SLC12A3: variants seen among roughly 807,000 people sequenced by gnomAD.
SLC12A3 encodes solute carrier family 12 member 3, also known as Na-Cl cotransporter.
Under a neutral mutation model 121.0 loss-of-function variants are expected in SLC12A3, and 104 were observed. That is an observed-to-expected ratio of 0.86 (90% CI 0.73 to 1.01). SLC12A3 has a LOEUF of 1.01. SLC12A3 is among the 50% of genes least tolerant of loss of function. The probability of loss-of-function intolerance (pLI) is 0.00; values close to 1 mark genes in which losing one functional copy is unlikely to be tolerated. For missense variants in SLC12A3, 1,328 were observed against 1,356.3 expected (o/e 0.98, Z 0.33); for synonymous variants, 536 against 533.4 (o/e 1.00, Z -0.07).
rs1254695485 is a variant in SLC12A3, at chr16:56,914,979, G to A, written c.*1574G>A. On this transcript the variant is annotated 3_prime_UTR_variant, in exon 26 of 26. Coordinates refer to ENST00000563236, the MANE Select transcript of SLC12A3 (RefSeq NM_001126108.2). ...GCTGTTAAGAGTGGGGTTGGAGGTG[G>A]GAGAGAAGCTAGGACAAGGGAGATG... 1 of 152,242 alleles carries A rather than the reference G, an allele frequency of 6.6e-6. No homozygotes were observed. The highest frequency in any genetic ancestry group is 2.4e-5 in the African/African-American group (1 of 41,392). The allele number at this position is 152,242 out of a possible 1,614,324, so 9.4% of individuals were successfully genotyped here. A position where few individuals can be genotyped will look rare whatever the true frequency, so the allele number is the denominator to read the frequency against.
Position 56,882,497 on chromosome 16 carries a change from G to C in SLC12A3, c.1669G>C (p.Gly557Arg). Residue 557 changes from glycine (G) to arginine (R), a missense_variant and splice_region_variant, in exon 13 of 26, where the codon GGG (glycine) becomes CGG (arginine). Physicochemically the swap from Gly to Arg is moderately radical, Grantham distance 125. Coordinates refer to ENST00000563236, the MANE Select transcript of SLC12A3 (RefSeq NM_001126108.2). ...CFHASITNSP[G>R]WRPSFQYYNK... Reference sequence around the variant, plus strand: ...CCACGCCTCCATCACCAACTCGCCTGGTAAGCAAACCCTTCACCCACCTCA... The same window carrying C: ...CCACGCCTCCATCACCAACTCGCCTCGTAAGCAAACCCTTCACCCACCTCA... The C allele has an allele frequency of 6.2e-7, 1 of 1,612,288 alleles. No individual in the cohort carries two copies. Among genetic ancestry groups the C allele is most frequent in the Non-Finnish European group, 8.5e-7 (1 of 1,178,380 alleles).
Position 56,902,776 on chromosome 16 carries a change from TCC to T in SLC12A3, c.2856+269_2856+270del, listed in dbSNP as rs571731386. 0.035 allele frequency among the ~76,000 whole-genome samples: 5,344 copies of T among 152,208 alleles called. 143 individuals are homozygous for T. The highest frequency in any genetic ancestry group is 0.07 in the African/African-American group (2,921 of 41,526). ...GCTTGACTGCCCGGAGTCCTCCTCC[TCC>T]TCCTCCTCCTCCACACTTCCTCTAT... On this transcript the variant is annotated intron_variant, in intron 24 of 25. Coordinates refer to ENST00000563236, the MANE Select transcript of SLC12A3 (RefSeq NM_001126108.2).
intron 10 of SLC12A3, 111 bp downstream of exon 10, chr16:56,879,338 C>G: frequency 1.4e-6 from 2 of 1,439,692 alleles, no homozygotes; most frequent in African/African-American, 2.8e-5. Flanking sequence ...GGGGTTGAGG[C>G]CTAGGCTTAG....
chr16:56,865,605 C>T, intron 1 of SLC12A3, 88 bp downstream of exon 1: 2 of 1,435,640 alleles, frequency 1.4e-6, no homozygotes, highest in South Asian at 2.3e-5. Flanking sequence ...GTTCTGTCAT[C>T]TGTGCCATGG....
intron 22 of SLC12A3, 23 bp from the exon 23 acceptor site, chr16:56,899,507 T>A (rs762468173): frequency 6.3e-7 from 1 of 1,586,470 alleles, no homozygotes. Flanking sequence ...GTAATAACAA[T>A]AAACCCTCCA....
chr16:56,880,073 G>T, intron 11 of SLC12A3, 57 bp from the exon 12 acceptor site: 1 of 1,591,990 alleles, frequency 6.3e-7, no homozygotes, highest in Non-Finnish European at 8.5e-7. Flanking sequence ...GGTGGCCCCA[G>T]GGGAGGGGAA....
chr16:56,891,393 A>C (rs1018122186), intron 19 of SLC12A3, among the ~76,000 whole-genome samples: 5 of 142,872 alleles, frequency 3.5e-5, no homozygotes, highest in African/African-American at 1.3e-4. Context: ...AAAAAAAAAA[A>C]GGAAATATCT....
intron 24 of SLC12A3, among the ~76,000 whole-genome samples, chr16:56,903,707 T>C (rs2055569429): frequency 6.6e-6 from 1 of 152,198 alleles, no homozygotes; most frequent in South Asian, 2.1e-4. Context: ...CATTTCTGAA[T>C]AATTTGAGCT....
At chr16:56,883,100 T>G (rs993080260) in intron 13 of SLC12A3, among the ~76,000 whole-genome samples, 9 of 152,110 alleles carry the variant, frequency 5.9e-5, no homozygotes, top group Admixed American at 2.6e-4. Flanking sequence ...AGCCTGGTTC[T>G]TCAGAGAAAG....
At chr16:56,908,685 A>C (rs2055642748) in intron 25 of SLC12A3, among the ~76,000 whole-genome samples, 1 of 152,102 alleles carries the variant, frequency 6.6e-6, no homozygotes, top group Non-Finnish European at 1.5e-5. Context: ...TAGGGACATG[A>C]TTTTTTTGTA....
At chr16:56,904,491 C>T in intron 25 of SLC12A3, 29 bp downstream of exon 25, 1 of 1,605,398 alleles carries the variant, frequency 6.2e-7, no homozygotes, top group South Asian at 1.1e-5. Flanking sequence ...GTGGGAGGAC[C>T]AGTCTGTCCA....
At chr16:56,904,048 C>T (rs1391512364) in intron 24 of SLC12A3, among the ~76,000 whole-genome samples, 1 of 152,172 alleles carries the variant, frequency 6.6e-6, no homozygotes, top group East Asian at 1.9e-4. Flanking sequence ...TGGTGAAGGT[C>T]AGGGAGACAA....
At chr16:56,904,707 C>T in intron 25 of SLC12A3, 1 of 501,348 alleles carries the variant, frequency 2.0e-6, no homozygotes, top group Non-Finnish European at 3.7e-6. Flanking sequence ...CAGTGACCTC[C>T]CCTTGCCATT....
intron 19 of SLC12A3, 135 bp downstream of exon 19, chr16:56,890,491 C>T (rs2055374691): frequency 2.8e-6 from 2 of 726,478 alleles, no homozygotes; most frequent in South Asian, 3.0e-5. Flanking sequence ...CCCTTAGAGC[C>T]CATCAGTTTT....
chr16:56,882,992 C>T (rs72622274), intron 13 of SLC12A3, among the ~76,000 whole-genome samples: 3,465 of 152,132 alleles, frequency 0.023, 142 homozygotes, highest in East Asian at 0.19. Context: ...TCTCCTTTCT[C>T]GCGCACTGAC....
At chr16:56,899,744 T>C in intron 23 of SLC12A3, 128 bp downstream of exon 23, 3 of 746,324 alleles carry the variant, frequency 4.0e-6, no homozygotes, top group Middle Eastern at 2.6e-4. Context: ...TTCCTAGATG[T>C]GTCAGAGGGC....
intron 1 of SLC12A3, 90 bp downstream of exon 1, chr16:56,865,607 G>T: frequency 7.1e-7 from 1 of 1,416,698 alleles, no homozygotes; most frequent in African/African-American, 1.4e-5. Context: ...TCTGTCATCT[G>T]TGCCATGGGG....
chr16:56,870,576 A>G (rs1313954605), intron 5 of SLC12A3, 50 bp from the exon 6 acceptor site: 1 of 1,231,056 alleles, frequency 8.1e-7, no homozygotes, highest in African/African-American at 1.5e-5. Flanking sequence ...AGTCTGGGGG[A>G]TGGGGAATTC....
chr16:56,906,683 C>A, intron 25 of SLC12A3: 1 of 489,682 alleles, frequency 2.0e-6, no homozygotes, highest in South Asian at 2.5e-5. Flanking sequence ...TATACAAGAC[C>A]ACACTGGATA....
Sources: allele counts gnomAD v4.1 joint callset (sites outside exome capture counted in the v4.1 genomes callset), GRCh38; gene constraint gnomAD v4.1.1; transcripts MANE v1.5; gene names NCBI Gene and HGNC (gene_info 2026-07-23, HGNC 2026-07-21).